The following PUM2 variants were observed in gnomAD, a reference collection of about 807,000 sequenced individuals.
PUM2 encodes the protein pumilio homolog 2.
A neutral mutation model predicts 124.5 loss-of-function variants in PUM2; 57 were observed. The observed-to-expected ratio is 0.46, with a 90% CI of 0.37 to 0.57. PUM2 has a LOEUF of 0.57. Among genes scored for constraint, PUM2 ranks in the 20% least tolerant of loss-of-function variants. The probability of loss-of-function intolerance (pLI) is 0.00; values close to 1 mark genes in which losing one functional copy is unlikely to be tolerated. For missense variants in PUM2, 1,065 were observed against 1,290.6 expected, an observed-to-expected ratio of 0.83 and a Z score of 2.68; for synonymous variants, 460 against 446.1, an observed-to-expected ratio of 1.03 and a Z score of -0.39.
chr2:20,297,681 A>G lies in PUM2; in HGVS notation c.884-3T>C, dbSNP rs1379060272. 6 of 1,606,242 alleles carry G rather than the reference A, an allele frequency of 3.7e-6. No individual in the cohort carries two copies. Among genetic ancestry groups the G allele is most frequent in the Middle Eastern group, 3.3e-4 (2 of 6,026 alleles). The stretch of plus-strand genomic sequence containing the variant: ...AAGGCCTGCTGAGAATACACCAGCT[A>G]TATTTTAAAAGGGGAGAAATAATAA... On this transcript the variant is annotated splice_polypyrimidine_tract_variant and splice_region_variant and intron_variant, in intron 7 of 20. Transcript: ENST00000361078.
intron 14 of PUM2, among the ~76,000 whole-genome samples, chr2:20,262,731 C>A (rs186255412): frequency 1.3e-5 from 2 of 152,310 alleles, no homozygotes; most frequent in East Asian, 3.9e-4. Context: ...AGATGTATCT[C>A]TCATGTATTA....
At chr2:20,292,636 A>G (rs1256881915) in intron 9 of PUM2, among the ~76,000 whole-genome samples, 2 of 152,120 alleles carry the variant, frequency 1.3e-5, no homozygotes, top group African/African-American at 2.4e-5. Context: ...GATTTTATTA[A>G]AATTATTTTC....
intron 1 of PUM2, among the ~76,000 whole-genome samples, chr2:20,341,502 CAT>C (rs1196010946): frequency 1.3e-5 from 2 of 152,130 alleles, no homozygotes; most frequent in Non-Finnish European, 2.9e-5. Context: ...TGTATGACTA[CAT>C]ATGTTTGTGG....
chr2:20,277,797 C>G (rs1670595663), intron 13 of PUM2, among the ~76,000 whole-genome samples: 1 of 152,004 alleles, frequency 6.6e-6, no homozygotes, highest in African/African-American at 2.4e-5. Context: ...AGCTGAATAA[C>G]TAGAATTATA....
intron 9 of PUM2, among the ~76,000 whole-genome samples, chr2:20,291,410 A>G (rs891288179): frequency 6.6e-6 from 1 of 152,200 alleles, no homozygotes. Flanking sequence ...TGTGACCCAC[A>G]TATCCTCCTC....
upstream of PUM2, among the ~76,000 whole-genome samples, chr2:20,351,668 C>G (rs957128866): frequency 6.6e-6 from 1 of 152,230 alleles, no homozygotes. Flanking sequence ...CTAACCGGCT[C>G]CAGGTCACAC....
At chr2:20,339,127 C>CA (rs563706311) in intron 1 of PUM2, among the ~76,000 whole-genome samples, 17 of 151,348 alleles carry the variant, frequency 1.1e-4, no homozygotes, top group East Asian at 1.9e-4. Context: ...TAGCTTATTT[C>CA]AAAAAAAATG....
intron 20 of PUM2, among the ~76,000 whole-genome samples, chr2:20,251,941 C>T (rs1212845420): frequency 6.6e-6 from 1 of 152,170 alleles, no homozygotes; most frequent in Non-Finnish European, 1.5e-5. Flanking sequence ...AACTATGTCA[C>T]GTGGAAACAG....
At chr2:20,308,993 A>G (rs1315453052) in intron 5 of PUM2, among the ~76,000 whole-genome samples, 1 of 152,098 alleles carries the variant, frequency 6.6e-6, no homozygotes, top group Non-Finnish European at 1.5e-5. Context: ...CACTTACCAT[A>G]CTGCTGTCCT....
chr2:20,305,408 G>T (rs1007697536), intron 7 of PUM2, among the ~76,000 whole-genome samples: 2 of 135,600 alleles, frequency 1.5e-5, no homozygotes, highest in African/African-American at 5.5e-5. Context: ...AGCCTGGGAA[G>T]CTGAGGCTGT....
rs371522884 is a variant in PUM2, at chr2:20,276,075, A to G, written c.1957+2508T>C. Reference sequence around the variant, plus strand: ...AAGAATAAAATTTTTTCATGCATCTAACTTTAATATATTAGAATAAGCAAC... The same window carrying G: ...AAGAATAAAATTTTTTCATGCATCTGACTTTAATATATTAGAATAAGCAAC... On this transcript the variant is annotated intron_variant, in intron 13 of 20. Coordinates refer to ENST00000361078, the MANE Select transcript of PUM2 (RefSeq NM_015317.5). 3.4e-4 allele frequency among the ~76,000 whole-genome samples: 52 copies of G among 152,144 alleles called. No individual in the cohort carries two copies. In the South Asian group the frequency reaches 9.9e-3, roughly 29 times the overall value.
chr2:20,256,614 G>A (rs1462150672), intron 16 of PUM2, among the ~76,000 whole-genome samples: 1 of 152,130 alleles, frequency 6.6e-6, no homozygotes, highest in African/African-American at 2.4e-5. Flanking sequence ...ATGGCTGAGT[G>A]AGTTTATCAA....
intron 20 of PUM2, among the ~76,000 whole-genome samples, chr2:20,252,929 A>AT (rs1167759448): frequency 1.3e-5 from 2 of 152,216 alleles, no homozygotes; most frequent in Non-Finnish European, 2.9e-5. Context: ...CAGTATGACT[A>AT]TTTACATAGC....
intron 13 of PUM2, among the ~76,000 whole-genome samples, chr2:20,275,279 C>A (rs1669985734): frequency 6.6e-6 from 1 of 151,892 alleles, no homozygotes; most frequent in Non-Finnish European, 1.5e-5. Flanking sequence ...TGAAACATAT[C>A]AATTATCCCC....
chr2:20,337,556 T>G (rs1412516129), intron 1 of PUM2, among the ~76,000 whole-genome samples: 1 of 152,152 alleles, frequency 6.6e-6, no homozygotes, highest in Admixed American at 6.6e-5. Flanking sequence ...AAATAAAGTT[T>G]AATAAAATAC....
intron 7 of PUM2, 65 bp downstream of exon 7, chr2:20,307,913 A>G: frequency 6.4e-7 from 1 of 1,560,720 alleles, no homozygotes; most frequent in East Asian, 2.3e-5. Context: ...TCAGTAAACG[A>G]AAAGTGAAAC....
chr2:20,322,680 G>A (rs1386777338), intron 2 of PUM2, among the ~76,000 whole-genome samples: 1 of 152,110 alleles, frequency 6.6e-6, no homozygotes, highest in Non-Finnish European at 1.5e-5. Context: ...GCGTGCACCT[G>A]CAGTCCCAGA....
In PUM2 at chr2:20,255,204, G is replaced by T; in HGVS notation, c.2748+12C>A. 1.3e-6 allele frequency: 2 copies of T among 1,573,136 alleles called. No homozygotes were observed. The highest frequency in any genetic ancestry group is 2.3e-5 in the South Asian group (2 of 85,858). On this transcript the variant is annotated intron_variant, in intron 18 of 20. Coordinates refer to ENST00000361078, the MANE Select transcript of PUM2 (RefSeq NM_015317.5). ...AATATATAAACATTTCAAATTATTA[G>T]GGAATTTATACCTGTACCAACTGCT...
At chr2:20,296,267 A>G (rs975406978) in intron 8 of PUM2, among the ~76,000 whole-genome samples, 3 of 152,144 alleles carry the variant, frequency 2.0e-5, no homozygotes, top group African/African-American at 7.2e-5. Flanking sequence ...AGGCCGAGGC[A>G]GGCGGATCAC....
Sources: gnomAD v4.1 joint callset for allele counts (sites outside exome capture counted in the v4.1 genomes callset) on GRCh38, gnomAD v4.1.1 for gene constraint, MANE v1.5 for transcripts, NCBI Gene and HGNC (gene_info 2026-07-23, HGNC 2026-07-21) for gene names.